TPRN: variants seen among roughly 807,000 people sequenced by gnomAD.
TPRN encodes the protein taperin.
Under a neutral mutation model 42.6 loss-of-function variants are expected in TPRN, and 32 were observed. That is an observed-to-expected ratio of 0.75 (90% CI 0.57 to 1.01). TPRN has a LOEUF of 1.01. Ranked by LOEUF, TPRN falls within the 50% of genes least tolerant of loss-of-function variation. TPRN has a pLI of 0.00. For missense variants in TPRN, 1,095 were observed against 957.5 expected, an observed-to-expected ratio of 1.14 and a Z score of -1.90; for synonymous variants, 541 against 445.6, an observed-to-expected ratio of 1.21 and a Z score of -2.70.
chr9:137,196,528 C>T (rs1834708510), intron 1 of TPRN, among the ~76,000 whole-genome samples: 1 of 152,156 alleles, frequency 6.6e-6, no homozygotes, highest in African/African-American at 2.4e-5. Flanking sequence ...ATGAAGTTTG[C>T]CCTGAGCCGG....
At chr9:137,198,004 T>C (rs1346881605) in intron 1 of TPRN, among the ~76,000 whole-genome samples, 2 of 152,170 alleles carry the variant, frequency 1.3e-5, no homozygotes, top group Admixed American at 6.5e-5. Context: ...GGCAGCAGCC[T>C]ATCTGCTGAG....
chr9:137,199,543 G>A lies in TPRN; in HGVS notation c.1169C>T (p.Ala390Val). The A allele has an allele frequency of 6.4e-7, 1 of 1,563,364 alleles. No individual in the cohort carries two copies. ...ALGKSPLEVE[A>V]QWAVEEGACP... ...GGCCCCCTCCTCGACTGCCCACTGT[G>A]CCTCGACCTCCAGGGGGCTCTTCCC... is the stretch of plus-strand genomic sequence containing the variant. The change falls in exon 1 of 4, where the codon GCA (alanine) becomes GTA (valine). Residue 390 changes from alanine (A) to valine (V), a missense_variant. Transcript: ENST00000409012.
chr9:137,195,900 T>G (rs759619216), intron 1 of TPRN, among the ~76,000 whole-genome samples: 33 of 152,148 alleles, frequency 2.2e-4, no homozygotes, highest in Admixed American at 3.3e-4. Flanking sequence ...CACAGCAGTC[T>G]GCTCCAAGCT....
At chr9:137,198,510 C>T (rs997088927) in intron 1 of TPRN, among the ~76,000 whole-genome samples, 3 of 152,220 alleles carry the variant, frequency 2.0e-5, no homozygotes, top group African/African-American at 7.2e-5. Flanking sequence ...GACTGTGATG[C>T]GAGGATCCAG....
chr9:137,192,066 G>A lies in TPRN; in HGVS notation c.*46C>T, dbSNP rs370567712. The A allele has an allele frequency of 1.9e-4, 300 of 1,605,408 alleles. No homozygotes were observed. The highest frequency in any genetic ancestry group is 2.7e-4 in the Admixed American group (16 of 59,946). Reference sequence around the variant, plus strand: ...AGTCCCTGGCTACTGCCCAGCTTCCGGGACTCCCACAGCTGGGCTCAGCCT... The same window carrying A: ...AGTCCCTGGCTACTGCCCAGCTTCCAGGACTCCCACAGCTGGGCTCAGCCT... On this transcript the variant is annotated 3_prime_UTR_variant, in exon 4 of 4. Coordinates refer to ENST00000409012, the MANE Select transcript of TPRN (RefSeq NM_001128228.3).
Position 137,192,819 on chromosome 9 carries a change from G to A in TPRN, c.1726-128C>T, listed in dbSNP as rs531853303. 86 of 1,002,150 alleles carry A rather than the reference G, an allele frequency of 8.6e-5. No individual in the cohort carries two copies. The African/African-American group carries it at 1.1e-3, about 13-fold the overall frequency. 62.1% of individuals were successfully genotyped at this position (1,002,150 alleles called of 1,614,324 possible). The stretch of plus-strand genomic sequence containing the variant: ...CGCCAGACACACCATCAACCGTTCC[G>A]GGGGCTCCAGGAGGGGGCACAGAGC... On this transcript the variant is annotated intron_variant, in intron 1 of 3. Coordinates refer to ENST00000409012, the MANE Select transcript of TPRN (RefSeq NM_001128228.3).
intron 1 of TPRN, among the ~76,000 whole-genome samples, chr9:137,196,332 A>G (rs1834705176): frequency 6.6e-6 from 1 of 152,198 alleles, no homozygotes; most frequent in South Asian, 2.1e-4. Flanking sequence ...CACGCCTGTA[A>G]TCCCAGCACT....
chr9:137,198,070 G>A (rs1028323930), intron 1 of TPRN, among the ~76,000 whole-genome samples: 8 of 152,172 alleles, frequency 5.3e-5, no homozygotes, highest in Non-Finnish European at 8.8e-5. Flanking sequence ...AGGACAGCCC[G>A]CCTCAGGGGT....
rs1328515704 is a variant in TPRN at position 137,195,337 on chromosome 9, G to T, written c.1726-2646C>A. Among the ~76,000 whole-genome samples the T allele has an allele frequency of 2.0e-5, 3 of 152,368 alleles. No individual in the cohort carries two copies. In the East Asian group the frequency reaches 5.8e-4, roughly 29 times the overall value. Reference sequence around the variant, plus strand: ...GAGAAAGCTGAGGGAGGAGCGTCCAGGCCGCTCCTGGGGTTCCCGGCTTCA... The same window carrying T: ...GAGAAAGCTGAGGGAGGAGCGTCCATGCCGCTCCTGGGGTTCCCGGCTTCA... On this transcript the variant is annotated intron_variant, in intron 1 of 3. Coordinates refer to ENST00000409012, the MANE Select transcript of TPRN (RefSeq NM_001128228.3).
At position 137,199,818 on chromosome 9, in the gene TPRN, C is replaced by CTCGAAGGAG. The variant is rs753049274; in HGVS notation, c.885_893dup (p.Asp295_Phe297dup). On this transcript the variant is annotated inframe_insertion, in exon 1 of 4. Transcript: ENST00000409012. ...TAACTGGCTTGGGGGCCGGCCGTAT[C>CTCGAAGGAG]TCGAAGGAGTCGTTGGTGCTGGTGG... 1 of 1,590,548 alleles carries CTCGAAGGAG rather than the reference C, an allele frequency of 6.3e-7. No homozygotes were observed. Among genetic ancestry groups the CTCGAAGGAG allele is most frequent in the Non-Finnish European group, 8.6e-7 (1 of 1,168,890 alleles).
In TPRN at chr9:137,199,351, G is replaced by A. The variant is rs774850571; in HGVS notation, c.1361C>T (p.Pro454Leu). Residue 454 changes from proline (P) to leucine (L), a missense_variant, in exon 1 of 4, where the codon CCT (proline) becomes CTT (leucine). Pro to Leu is a moderately conservative substitution (Grantham distance 98). Transcript: ENST00000409012. ...GTCTACCTCATCGATGAAGGTGACA[G>A]GCAGCCCCGGCCTCACATATTCCCG... ...NSREYVRPGL[P>L]VTFIDEVDSE... 2 of 1,612,768 alleles carry A rather than the reference G, an allele frequency of 1.2e-6. No individual in the cohort carries two copies. Among genetic ancestry groups the A allele is most frequent in the Non-Finnish European group, 1.7e-6 (2 of 1,180,002 alleles).
intron 1 of TPRN, chr9:137,192,980 C>T (rs1182942653): frequency 4.2e-6 from 2 of 481,664 alleles, no homozygotes; most frequent in Non-Finnish European, 7.5e-6. Context: ...TCTAGACCAG[C>T]TCCTGGAGCT....
In TPRN at chr9:137,199,095, C is replaced by T. The variant is rs1834750672; in HGVS notation, c.1617G>A (p.Gly539=). The change falls in exon 1 of 4, where the codon GGG becomes GGA. Residue 539 remains glycine, a synonymous_variant. Coordinates refer to ENST00000409012, the MANE Select transcript of TPRN (RefSeq NM_001128228.3). ...AEEEEASCLL[G]PTLKKRYPTV... ...TGGGGTAGCGCTTCTTCAACGTGGG[C>T]CCCAGGAGGCAACTAGCCTCCTCCT... is the stretch of plus-strand genomic sequence containing the variant. 3 of 1,613,106 alleles carry T rather than the reference C, an allele frequency of 1.9e-6. No homozygotes were observed. Among genetic ancestry groups the T allele is most frequent in the Admixed American group, 1.7e-5 (1 of 60,008 alleles).
Position 137,192,121 on chromosome 9 carries a change from C to G in TPRN, c.2127G>C (p.Leu709=), listed in dbSNP as rs141477297. The change falls in exon 4 of 4, where the codon CTG becomes CTC. Residue 709 remains leucine, a synonymous_variant. Transcript: ENST00000409012. The part of the protein sequence containing the change: ...DLSDFRSEPA[L]YF ...CCTGGCAGTGCTGGGCTCAGAAATA[C>G]AGGGCTGGCTCGCTGCGGAAGTCCG... 195 of 1,613,360 alleles carry G rather than the reference C, an allele frequency of 1.2e-4. 1 individual carries two copies. In the South Asian group the frequency reaches 1.2e-3, roughly 10 times the overall value.
intron 1 of TPRN, chr9:137,194,525 A>G (rs905977929): frequency 6.6e-6 from 1 of 152,346 alleles, no homozygotes; most frequent in African/African-American, 2.4e-5. Flanking sequence ...CTGAGAACAC[A>G]GAAGGGCTGG....
chr9:137,192,840 A>G (rs912756500), intron 1 of TPRN, 149 bp from the exon 2 acceptor site: 4 of 794,770 alleles, frequency 5.0e-6, no homozygotes, highest in Non-Finnish European at 8.2e-6. Flanking sequence ...GAGGGGGCAC[A>G]GAGCTCTCCA....
In TPRN at chr9:137,199,454, G is replaced by A. The variant is rs764166037; in HGVS notation, c.1258C>T (p.Pro420Ser). The A allele has an allele frequency of 1.1e-5, 17 of 1,606,740 alleles. No homozygotes were observed. In the African/African-American group the frequency reaches 1.2e-4, roughly 11 times the overall value. The change falls in exon 1 of 4, where the codon CCC (proline) becomes TCC (serine). Residue 420 changes from proline to serine, a missense_variant. By Grantham distance (74) the Pro-to-Ser change is moderately conservative (BLOSUM62 -1). Coordinates refer to ENST00000409012, the MANE Select transcript of TPRN (RefSeq NM_001128228.3). ...AIRWQRPSSP[P>S]PFLPAASEEA... ...TCCGAAGCAGCCGGCAGGAAGGGGG[G>A]CGGTGAGGACGGCCTCTGCCACCTA...
chr9:137,199,003 C>T lies in TPRN; in HGVS notation c.1709G>A (p.Gly570Asp). 6.2e-7 allele frequency: 1 copy of T among 1,613,042 alleles called. No homozygotes were observed. The highest frequency in any genetic ancestry group is 8.5e-7 in the Non-Finnish European group (1 of 1,179,992). The change falls in exon 1 of 4, where the codon GGC (glycine) becomes GAC (aspartate). Residue 570 changes from glycine to aspartate, a missense_variant. By Grantham distance (94) the Gly-to-Asp change is moderately conservative. Transcript: ENST00000409012. ...ALQKSCLTKA[G>D]SSRKKMKISF... ...ACCACTGACCTTCTTTCTTGAGGAGCCAGCCTTGGTGAGGCAGGACTTCTG... is the reference window on the plus strand; with the variant it reads ...ACCACTGACCTTCTTTCTTGAGGAGTCAGCCTTGGTGAGGCAGGACTTCTG...
intron 1 of TPRN, among the ~76,000 whole-genome samples, chr9:137,196,902 G>A (rs1009859525): frequency 6.6e-5 from 10 of 152,320 alleles, no homozygotes; most frequent in Middle Eastern, 3.4e-3. Flanking sequence ...GGGCCACCTG[G>A]CCATGCCAGG....
Sources: allele counts gnomAD v4.1 joint callset (sites outside exome capture counted in the v4.1 genomes callset), GRCh38; gene constraint gnomAD v4.1.1; transcripts MANE v1.5; gene names NCBI Gene and HGNC (gene_info 2026-07-23, HGNC 2026-07-21).